Variants in SORCS1 observed in about 807,000 individuals in gnomAD.
SORCS1 encodes VPS10 domain-containing receptor SorCS1.
In SORCS1, 60 loss-of-function variants were observed where a neutral mutation model predicts 146.1. The observed-to-expected ratio is 0.41, with a 90% CI of 0.33 to 0.51. SORCS1 has a LOEUF of 0.51. Among genes scored for constraint, SORCS1 ranks in the 20% least tolerant of loss-of-function variants. The pLI, the probability that SORCS1 is intolerant of heterozygous loss-of-function variation, is 0.21. For synonymous variants in SORCS1, 637 were observed against 584.0 expected (o/e 1.09, Z -1.31); for missense variants, 1,352 against 1,487.6 (o/e 0.91, Z 1.50).
chr10:106,597,515 G>C, intron 23 of SORCS1, 65 bp from the exon 24 acceptor site: 3 of 1,243,204 alleles, frequency 2.4e-6, no homozygotes, highest in South Asian at 1.2e-5. Flanking sequence ...AATAAGCTTA[G>C]AAATATTTAC....
chr10:107,036,805 T>C (rs1958925875), intron 1 of SORCS1, among the ~76,000 whole-genome samples: 1 of 152,206 alleles, frequency 6.6e-6, no homozygotes, highest in South Asian at 2.1e-4. Context: ...CAACTCTCAT[T>C]TGAGTGAAGG....
chr10:107,064,012 TTAAC>T (rs1341441420), intron 1 of SORCS1, among the ~76,000 whole-genome samples: 1 of 152,204 alleles, frequency 6.6e-6, no homozygotes, highest in Non-Finnish European at 1.5e-5. Context: ...TCGAAAGACA[TTAAC>T]CAACCATCTT....
chr10:107,175,257 G>T, the SORCS1 span, among the ~76,000 whole-genome samples: 1 of 152,130 alleles, frequency 6.6e-6, no homozygotes, highest in South Asian at 2.1e-4. Context: ...CAAGGTTAAA[G>T]TGGCACCATA....
intron 1 of SORCS1, among the ~76,000 whole-genome samples, chr10:107,061,193 G>A (rs549464082): frequency 1.3e-5 from 2 of 152,158 alleles, no homozygotes; most frequent in South Asian, 2.1e-4. Flanking sequence ...CTGTATCAGG[G>A]AAGAACATAT....
intron 2 of SORCS1, among the ~76,000 whole-genome samples, chr10:106,944,092 T>C (rs1954189487): frequency 6.6e-6 from 1 of 152,210 alleles, no homozygotes; most frequent in African/African-American, 2.4e-5. Flanking sequence ...CCCCTTCTCA[T>C]CTCTTACTTC....
rs181019864 is a variant in SORCS1, at chr10:106,705,405, G to A, written c.1233+1140C>T. ...ACAATCTGTTACCACTGGCTCTCCC[G>A]GGAGAGGAGGCGTGCTGTGTCCTTG... is the stretch of plus-strand genomic sequence containing the variant. On this transcript the variant is annotated intron_variant, in intron 8 of 25. Coordinates refer to ENST00000263054, the MANE Select transcript of SORCS1 (RefSeq NM_052918.5). 8.5e-4 allele frequency among the ~76,000 whole-genome samples: 130 copies of A among 152,242 alleles called. 1 individual carries two copies. Among genetic ancestry groups the A allele is most frequent in the Non-Finnish European group, 2.6e-4 (18 of 68,018 alleles).
intron 15 of SORCS1, among the ~76,000 whole-genome samples, chr10:106,672,515 A>C (rs1262297120): frequency 2.0e-5 from 3 of 152,122 alleles, no homozygotes; most frequent in Non-Finnish European, 4.4e-5. Context: ...TGCTAGATAA[A>C]ATTGAAGATA....
intron 1 of SORCS1, among the ~76,000 whole-genome samples, chr10:107,064,802 C>T (rs1023065768): frequency 1.3e-5 from 2 of 152,336 alleles, no homozygotes; most frequent in South Asian, 4.1e-4. Context: ...GAAGAATTAA[C>T]TATTTTTGCA....
At chr10:106,869,061 A>G (rs1365169806) in intron 2 of SORCS1, among the ~76,000 whole-genome samples, 1 of 152,196 alleles carries the variant, frequency 6.6e-6, no homozygotes, top group Non-Finnish European at 1.5e-5. Flanking sequence ...TACTATGAAC[A>G]CCTCTATGTA....
Position 106,612,015 on chromosome 10 carries a change from G to T in SORCS1, c.2929C>A (p.Arg977=). Residue 977 remains arginine, a synonymous_variant, in exon 22 of 26, where the codon CGG becomes AGG. Coordinates refer to ENST00000263054, the MANE Select transcript of SORCS1 (RefSeq NM_052918.5). ...GGAGAAAAGGACAAGCGAAGAGACC[G>T]GAATTCCTCTGGGGATATAACAGTA... ...TKTIAVYEEF[R]SLRLSFSPNL... 1 of 1,613,552 alleles carries T rather than the reference G, an allele frequency of 6.2e-7. No individual in the cohort carries two copies. The highest frequency in any genetic ancestry group is 8.5e-7 in the Non-Finnish European group (1 of 1,179,534).
chr10:107,052,364 T>A (rs1357555250), intron 1 of SORCS1, among the ~76,000 whole-genome samples: 2 of 152,154 alleles, frequency 1.3e-5, no homozygotes, highest in Admixed American at 1.3e-4. Context: ...TTGAGAGGTA[T>A]CACTCACTGC....
intron 1 of SORCS1, among the ~76,000 whole-genome samples, chr10:107,108,493 A>G (rs1965457772): frequency 6.6e-6 from 1 of 152,158 alleles, no homozygotes; most frequent in Non-Finnish European, 1.5e-5. Flanking sequence ...AGATCTCAAA[A>G]GAACTCACCC....
At chr10:106,809,685 T>A (rs912376093) in intron 3 of SORCS1, among the ~76,000 whole-genome samples, 5 of 152,054 alleles carry the variant, frequency 3.3e-5, no homozygotes, top group African/African-American at 7.2e-5. Context: ...TATATATATA[T>A]AAAAAATCTC....
upstream of SORCS1, among the ~76,000 whole-genome samples, chr10:107,169,240 T>G (rs1970110297): frequency 6.6e-6 from 1 of 152,204 alleles, no homozygotes; most frequent in South Asian, 2.1e-4. Context: ...TTGGCTCCCC[T>G]TGGATACCAT....
chr10:106,942,651 G>A (rs970055501), intron 2 of SORCS1, among the ~76,000 whole-genome samples: 1 of 152,130 alleles, frequency 6.6e-6, no homozygotes, highest in South Asian at 2.1e-4. Context: ...AAGCTGATTT[G>A]TGGGAGTCCC....
In SORCS1 at chr10:107,151,823, T is replaced by C. The variant is rs1439442436; in HGVS notation, c.558+12146A>G. Among the ~76,000 whole-genome samples the C allele has an allele frequency of 2.0e-5, 3 of 152,172 alleles. No homozygotes were observed. The South Asian group carries it at 6.2e-4, about 32-fold the overall frequency. ...GAAGAAATTTCTAAGTGGCAAAGCA[T>C]TCAAGAGGGAGCAGAGAAATTCTGG... On this transcript the variant is annotated intron_variant, in intron 1 of 25. Transcript: ENST00000263054.
chr10:107,179,498 T>C, the SORCS1 span, among the ~76,000 whole-genome samples: 486 of 152,304 alleles, frequency 3.2e-3, 4 homozygotes, highest in African/African-American at 0.011. Context: ...GAGAATGGCA[T>C]TTTTTACTCT....
Position 106,575,656 on chromosome 10 carries a change from T to A in SORCS1, c.*1764A>T, listed in dbSNP as rs920807979. 2.6e-5 allele frequency: 4 copies of A among 152,646 alleles called. No individual in the cohort carries two copies. Among genetic ancestry groups the A allele is most frequent in the Non-Finnish European group, 5.9e-5 (4 of 68,040 alleles). 9.5% of individuals were successfully genotyped at this position (152,646 alleles called of 1,614,324 possible). A position where few individuals can be genotyped will look rare whatever the true frequency, so the allele number is the denominator to read the frequency against. On this transcript the variant is annotated 3_prime_UTR_variant, in exon 26 of 26. Coordinates refer to ENST00000263054, the MANE Select transcript of SORCS1 (RefSeq NM_052918.5). Reference sequence around the variant, plus strand: ...GCCAATCAGTAACTCTCCTCCTTTATACAGACTTAAATCTTTACTTTAATG... The same window carrying A: ...GCCAATCAGTAACTCTCCTCCTTTAAACAGACTTAAATCTTTACTTTAATG...
chr10:106,750,249 CTG>C (rs1194994970), intron 5 of SORCS1, among the ~76,000 whole-genome samples: 1 of 151,990 alleles, frequency 6.6e-6, no homozygotes, highest in African/African-American at 2.4e-5. Flanking sequence ...CGAGAAGTGA[CTG>C]AATATTGTTC....
Sources: gnomAD v4.1 joint callset for allele counts (sites outside exome capture counted in the v4.1 genomes callset) on GRCh38, gnomAD v4.1.1 for gene constraint, MANE v1.5 for transcripts, NCBI Gene and HGNC (gene_info 2026-07-23, HGNC 2026-07-21) for gene names.